Variants in ACSM3 observed in about 807,000 individuals in gnomAD.
The protein encoded by ACSM3 is acyl-CoA synthetase medium chain family member 3.
A neutral mutation model predicts 74.1 loss-of-function variants in ACSM3; 61 were observed. That is an observed-to-expected ratio of 0.82 (90% CI 0.67 to 1.02). The LOEUF (loss-of-function observed/expected upper bound fraction) is 1.02, where lower values mean the gene tolerates loss of function less well. Ranked by LOEUF, ACSM3 falls within the 50% of genes least tolerant of loss-of-function variation. ACSM3 has a pLI of 0.00. For missense variants in ACSM3, 660 were observed against 697.0 expected (o/e 0.95, Z 0.60); for synonymous variants, 213 against 241.5 (o/e 0.88, Z 1.09).
rs756289558 is a variant in ACSM3, at chr16:20,792,119, T to C, written c.1444T>C (p.Leu482=). 4.3e-6 allele frequency: 7 copies of C among 1,614,166 alleles called. No homozygotes were observed. The South Asian group carries it at 6.6e-5, about 15-fold the overall frequency. ...TGTTGCAAGAGCAGATGATGTCATA[T>C]TATCCTCTGGGTAACTTTCTTTTCC... The part of the protein sequence containing the change: ...WFVARADDVI[L]SSGYRIGPFE... Residue 482 remains leucine, a synonymous_variant, in exon 11 of 14, where the codon TTA becomes CTA. Transcript: ENST00000289416.
chr16:20,736,654 C>T (rs1294455556), intron 1 of ACSM3: 3 of 504,610 alleles, frequency 5.9e-6, no homozygotes, highest in African/African-American at 5.7e-5. Flanking sequence ...ATCCTCCCCT[C>T]TTTGCAACAG....
chr16:20,728,896 CAA>C (rs1444641540), intron 1 of ACSM3, among the ~76,000 whole-genome samples: 1 of 152,016 alleles, frequency 6.6e-6, no homozygotes, highest in Admixed American at 6.6e-5. Flanking sequence ...GGCTTGGGCC[CAA>C]GAGTTCAAGA....
At chr16:20,716,413 A>G (rs1457192775) in intron 1 of ACSM3, among the ~76,000 whole-genome samples, 1 of 152,090 alleles carries the variant, frequency 6.6e-6, no homozygotes, top group Non-Finnish European at 1.5e-5. Flanking sequence ...CTGCCCTGCC[A>G]CACCACAAAT....
intron 1 of ACSM3, among the ~76,000 whole-genome samples, chr16:20,711,275 G>C (rs1014056091): frequency 6.6e-6 from 1 of 152,166 alleles, no homozygotes; most frequent in Non-Finnish European, 1.5e-5. Context: ...TAGGCCCATC[G>C]TCTGTCAGAC....
intron 1 of ACSM3, among the ~76,000 whole-genome samples, chr16:20,767,118 G>A (rs2080134890): frequency 6.6e-6 from 1 of 152,064 alleles, no homozygotes; most frequent in African/African-American, 2.4e-5. Context: ...AACAGAGAGA[G>A]ACAAGTAGTG....
At chr16:20,793,703 A>G (rs1306752716) in intron 12 of ACSM3, among the ~76,000 whole-genome samples, 2 of 152,204 alleles carry the variant, frequency 1.3e-5, no homozygotes, top group African/African-American at 4.8e-5. Context: ...GTGAAAGGGT[A>G]TATTCCAGGC....
Position 20,781,139 on chromosome 16 carries a change from A to G in ACSM3, c.939+9A>G, listed in dbSNP as rs1475795087. ...CGACTTCTATCTTGCAAGTAAGCCA[A>G]AGCACAAAGAGGTCAATATTTAGAA... On this transcript the variant is annotated intron_variant, in intron 6 of 13. Transcript: ENST00000289416. 6.2e-7 allele frequency: 1 copy of G among 1,613,644 alleles called. No homozygotes were observed. The highest frequency in any genetic ancestry group is 1.7e-5 in the Admixed American group (1 of 59,962).
At chr16:20,783,475 C>T (rs1311858610) in intron 7 of ACSM3, 1 of 152,156 alleles carries the variant, frequency 6.6e-6, no homozygotes, top group African/African-American at 2.4e-5. Context: ...TGAGCATTTC[C>T]TTTGAGCATC....
intron 2 of ACSM3, among the ~76,000 whole-genome samples, chr16:20,750,300 G>A (rs2079979940): frequency 6.6e-6 from 1 of 152,106 alleles, no homozygotes; most frequent in African/African-American, 2.4e-5. Flanking sequence ...TCTTGATGTA[G>A]ATGCTTACCA....
At chr16:20,692,037 G>C (rs2079659187) in intron 1 of ACSM3, among the ~76,000 whole-genome samples, 1 of 152,072 alleles carries the variant, frequency 6.6e-6, no homozygotes, top group Non-Finnish European at 1.5e-5. Flanking sequence ...ATATTCTCTG[G>C]ATTCTGTAAG....
intron 1 of ACSM3, among the ~76,000 whole-genome samples, chr16:20,686,693 G>A (rs1392873001): frequency 1.3e-5 from 2 of 151,960 alleles, no homozygotes; most frequent in East Asian, 3.9e-4. Context: ...ACACACCTGT[G>A]GTCCCAGCTA....
chr16:20,746,152 TACTC>T (rs542059607), intron 1 of ACSM3, among the ~76,000 whole-genome samples: 196 of 152,248 alleles, frequency 1.3e-3, no homozygotes, highest in Admixed American at 2.4e-3. Context: ...GAAATAATAA[TACTC>T]ACATCATGGG....
intron 1 of ACSM3, chr16:20,738,177 C>A: frequency 1.7e-6 from 1 of 584,750 alleles, no homozygotes; most frequent in Non-Finnish European, 3.2e-6. Context: ...ATTATTACTG[C>A]TTGCACTAGA....
At position 20,790,568 on chromosome 16, in the gene ACSM3, T is replaced by C. The variant is rs117618898; in HGVS notation, c.1225-19T>C. ...TTAAACAAAAATTTCCTTAAATAAA[T>C]TGTTCTATTTTATCCTAGATTGTAG... On this transcript the variant is annotated intron_variant, in intron 9 of 13. Transcript: ENST00000289416. The surrounding 1 kb of genome is among the most constrained non-coding windows in gnomAD (Gnocchi z 4.0). 4,427 of 1,588,086 alleles carry C rather than the reference T, an allele frequency of 2.8e-3. 6 individuals are homozygous for C. Among genetic ancestry groups the C allele is most frequent in the Middle Eastern group, 3.7e-3 (22 of 5,966 alleles).
At chr16:20,775,497 C>G (rs2080244637) in intron 2 of ACSM3, among the ~76,000 whole-genome samples, 1 of 152,120 alleles carries the variant, frequency 6.6e-6, no homozygotes, top group Non-Finnish European at 1.5e-5. Flanking sequence ...TGTGCTGATC[C>G]TGGCCAGCTG....
At position 20,781,079 on chromosome 16, in the gene ACSM3, A is replaced by G. The variant is rs763377838; in HGVS notation, c.888A>G (p.Ala296=). 2.2e-5 allele frequency: 35 copies of G among 1,614,080 alleles called. No individual in the cohort carries two copies. Among genetic ancestry groups the G allele is most frequent in the East Asian group, 1.8e-4 (8 of 44,900 alleles). ...TTTTTTCTCCGTGGATCCAGGGAGC[A>G]TGTGTATTCACACACCATTTACCCC... ...SSVFSPWIQG[A]CVFTHHLPRF... The change falls in exon 6 of 14, where the codon GCA becomes GCG. Residue 296 remains alanine (A), a synonymous_variant. Transcript: ENST00000289416.
chr16:20,723,903 T>A (rs2152396997), intron 1 of ACSM3, among the ~76,000 whole-genome samples: 1 of 152,364 alleles, frequency 6.6e-6, no homozygotes, highest in Non-Finnish European at 1.5e-5. Context: ...CATTTGTCAA[T>A]GTTGGCTTTT....
At chr16:20,769,462 G>A (rs532271091) in intron 1 of ACSM3, among the ~76,000 whole-genome samples, 1 of 152,318 alleles carries the variant, frequency 6.6e-6, no homozygotes, top group East Asian at 1.9e-4. Flanking sequence ...CATAAACTGT[G>A]ACAGTGCTTT....
intron 1 of ACSM3, among the ~76,000 whole-genome samples, chr16:20,719,823 C>T (rs2079779259): frequency 6.6e-6 from 1 of 152,146 alleles, no homozygotes; most frequent in Admixed American, 6.5e-5. Context: ...TTACTCTTCC[C>T]CAAGTTGTTA....
Sources: gnomAD v4.1 joint callset for allele counts (sites outside exome capture counted in the v4.1 genomes callset) on GRCh38, gnomAD v4.1.1 for gene constraint, Gnocchi (gnomAD v3.1) non-coding constraint, MANE v1.5 for transcripts, NCBI Gene and HGNC (gene_info 2026-07-23, HGNC 2026-07-21) for gene names.